Variants in TRIO observed in about 807,000 individuals in gnomAD.
TRIO encodes trio Rho guanine nucleotide exchange factor.
Under a neutral mutation model 351.9 loss-of-function variants are expected in TRIO, and 58 were observed. The ratio of observed to expected loss-of-function variants is 0.16; its 90% CI spans 0.13 to 0.21. The LOEUF (loss-of-function observed/expected upper bound fraction) is 0.21. Ranked by LOEUF, TRIO falls within the 10% of genes least tolerant of loss-of-function variation. TRIO has a pLI of 1.00. For synonymous variants in TRIO, 1,758 were observed against 1,595.7 expected, an observed-to-expected ratio of 1.10 and a Z score of -2.42; for missense variants, 3,201 against 4,027.8, an observed-to-expected ratio of 0.79 and a Z score of 5.56.
intron 14 of TRIO, among the ~76,000 whole-genome samples, 153 bp from the exon 15 acceptor site, chr5:14,364,497 C>A (rs1744426476): frequency 6.6e-6 from 1 of 152,220 alleles, no homozygotes; most frequent in South Asian, 2.1e-4. Flanking sequence ...TCCTTTGACA[C>A]ACTTTGCCCT....
rs1254694347 is a variant in TRIO, at chr5:14,471,464, A to G, written c.5910A>G (p.Arg1970=). The change falls in exon 38 of 57, where the codon AGA becomes AGG. Residue 1970 remains arginine (R), a splice_region_variant and synonymous_variant. Coordinates refer to ENST00000344204, the MANE Select transcript of TRIO (RefSeq NM_007118.4). ...EERKSSSLKR[R]HYVLQELVET... ...GGAAATCCAGCTCTTTAAAGAGAAG[A>G]CAGTAAGACAGAAATGTTTTCATTC... 2 of 1,614,012 alleles carry G rather than the reference A, an allele frequency of 1.2e-6. No individual in the cohort carries two copies. Among genetic ancestry groups the G allele is most frequent in the African/African-American group, 2.7e-5 (2 of 74,928 alleles).
intron 2 of TRIO, among the ~76,000 whole-genome samples, chr5:14,275,128 T>C (rs551496384): frequency 6.6e-6 from 1 of 152,370 alleles, no homozygotes; most frequent in South Asian, 2.1e-4. Context: ...TATAGATATT[T>C]CATTTTACTT....
intron 34 of TRIO, among the ~76,000 whole-genome samples, chr5:14,449,517 C>A (rs1325925878): frequency 6.6e-6 from 1 of 152,194 alleles, no homozygotes; most frequent in Non-Finnish European, 1.5e-5. Flanking sequence ...TCTTGTTGCT[C>A]GGCTGCTGGT....
intron 2 of TRIO, among the ~76,000 whole-genome samples, chr5:14,278,904 GATC>G (rs1430818375): frequency 6.6e-6 from 1 of 152,208 alleles, no homozygotes; most frequent in East Asian, 1.9e-4. Context: ...TAGTTCGAAA[GATC>G]ATGCAATTTT....
chr5:14,234,768 G>A (rs943225348), intron 1 of TRIO, among the ~76,000 whole-genome samples: 2 of 152,100 alleles, frequency 1.3e-5, no homozygotes, highest in African/African-American at 4.8e-5. Flanking sequence ...AAATTGCCAC[G>A]TCAGATCATT....
At chr5:14,150,118 T>TC (rs540687058) in intron 1 of TRIO, among the ~76,000 whole-genome samples, 8 of 152,216 alleles carry the variant, frequency 5.3e-5, no homozygotes, top group Non-Finnish European at 1.2e-4. Context: ...TGTCTGTCTG[T>TC]TGTTGTTAGC....
At chr5:14,385,057 C>T (rs1208795606) in intron 21 of TRIO, among the ~76,000 whole-genome samples, 3 of 152,226 alleles carry the variant, frequency 2.0e-5, no homozygotes, top group Non-Finnish European at 4.4e-5. Context: ...GAGTTCATTT[C>T]ACCCAGTGGA....
chr5:14,389,283 G>T lies in TRIO; in HGVS notation c.3949-6G>T. The T allele has an allele frequency of 1.2e-6, 2 of 1,601,544 alleles. No individual in the cohort carries two copies. Among genetic ancestry groups the T allele is most frequent in the Non-Finnish European group, 8.5e-7 (1 of 1,175,558 alleles). On this transcript the variant is annotated splice_region_variant and splice_polypyrimidine_tract_variant and intron_variant, in intron 24 of 56. Transcript: ENST00000344204. ...TTTGTCTAATCCCTGTTTCCCTCTCGGCTAGACGTACCTGTGGGAAATGAC... is the reference window on the plus strand; with the variant it reads ...TTTGTCTAATCCCTGTTTCCCTCTCTGCTAGACGTACCTGTGGGAAATGAC...
chr5:14,164,383 AATGGGCTAG>A (rs1788644437), intron 1 of TRIO, among the ~76,000 whole-genome samples: 1 of 152,198 alleles, frequency 6.6e-6, no homozygotes, highest in Admixed American at 6.5e-5. Flanking sequence ...CCTGCCCCAG[AATGGGCTAG>A]CTCCAGCTTA....
chr5:14,410,130 G>A (rs759471779), intron 33 of TRIO, among the ~76,000 whole-genome samples: 5 of 152,160 alleles, frequency 3.3e-5, no homozygotes, highest in East Asian at 1.9e-4. Context: ...GAACCACAGC[G>A]GGTGTCTTAC....
chr5:14,502,575 G>A lies in TRIO; in HGVS notation c.8333-4G>A. The A allele has an allele frequency of 1.2e-6, 2 of 1,614,160 alleles. No individual in the cohort carries two copies. The highest frequency in any genetic ancestry group is 1.7e-6 in the Non-Finnish European group (2 of 1,180,010). ...AGCTCAGGCAGGTGCTGTTCTTCTT[G>A]CAGGTCCAGGGATGGATGGGATCAT... On this transcript the variant is annotated splice_polypyrimidine_tract_variant and splice_region_variant and intron_variant, in intron 53 of 56. Transcript: ENST00000344204.
intron 34 of TRIO, among the ~76,000 whole-genome samples, chr5:14,434,609 G>A (rs896728547): frequency 3.3e-5 from 5 of 152,116 alleles, no homozygotes; most frequent in Admixed American, 2.6e-4. Context: ...TCTCACATAC[G>A]GTGATGAAAA....
chr5:14,160,113 A>G (rs1235323740), intron 1 of TRIO, among the ~76,000 whole-genome samples: 3 of 152,244 alleles, frequency 2.0e-5, no homozygotes, highest in African/African-American at 7.2e-5. Flanking sequence ...TTTTGGGCAC[A>G]GTCCCTGAAA....
intron 4 of TRIO, among the ~76,000 whole-genome samples, chr5:14,288,473 C>A (rs554484468): frequency 1.3e-5 from 2 of 152,128 alleles, no homozygotes; most frequent in East Asian, 3.9e-4. Flanking sequence ...TTGAGACCAT[C>A]CTGGCTAACA....
chr5:14,389,673 C>T (rs186846923), intron 25 of TRIO, among the ~76,000 whole-genome samples: 1 of 152,274 alleles, frequency 6.6e-6, no homozygotes, highest in East Asian at 1.9e-4. Context: ...GAAGCCGAGC[C>T]GTCAGGTGCC....
Position 14,243,265 on chromosome 5 carries a change from T to C in TRIO, c.158-27560T>C, listed in dbSNP as rs186704429. On this transcript the variant is annotated intron_variant, in intron 1 of 56. Coordinates refer to ENST00000344204, the MANE Select transcript of TRIO (RefSeq NM_007118.4). ...TTACTCCCCCCTCCCTCTCCATTCG[T>C]GTGTACCCTGCCTTTTCTCTCAATG... 2.2e-3 allele frequency among the ~76,000 whole-genome samples: 337 copies of C among 152,166 alleles called. 2 individuals are homozygous for C. Among genetic ancestry groups the C allele is most frequent in the African/African-American group, 7.8e-3 (322 of 41,518 alleles).
chr5:14,436,570 A>C (rs1751604027), intron 34 of TRIO, among the ~76,000 whole-genome samples: 1 of 152,224 alleles, frequency 6.6e-6, no homozygotes, highest in South Asian at 2.1e-4. Context: ...CATCCAAAAC[A>C]AGGCAAGTCC....
At position 14,507,212 on chromosome 5, in the gene TRIO, A is replaced by C. The variant is rs755150790; in HGVS notation, c.8703A>C (p.Glu2901Asp). ...GGGCGCACCTGGGGGAGGTTCTGGA[A>C]GCTGTCCGGTACCTGCACAACTGCA... ...KIRAHLGEVLEAVRYLHNCRI... is the reference protein window; with the variant it reads ...KIRAHLGEVLDAVRYLHNCRI... Residue 2901 changes from glutamate (E) to aspartate (D), a missense_variant, in exon 56 of 57, where the codon GAA (glutamate) becomes GAC (aspartate). By Grantham distance (45) the Glu-to-Asp change is conservative. Coordinates refer to ENST00000344204, the MANE Select transcript of TRIO (RefSeq NM_007118.4). The C allele has an allele frequency of 3.7e-6, 6 of 1,611,934 alleles. No individual in the cohort carries two copies. The Middle Eastern group carries it at 6.4e-4, about 173-fold the overall frequency.
intron 48 of TRIO, among the ~76,000 whole-genome samples, chr5:14,490,070 A>G (rs1304771005): frequency 6.6e-6 from 1 of 152,188 alleles, no homozygotes; most frequent in Admixed American, 6.5e-5. Flanking sequence ...CAAGGTCAGG[A>G]GTTCGAGGCC....
Sources: allele counts gnomAD v4.1 joint callset (sites outside exome capture counted in the v4.1 genomes callset), GRCh38; gene constraint gnomAD v4.1.1; transcripts MANE v1.5; gene names NCBI Gene and HGNC (gene_info 2026-07-23, HGNC 2026-07-21).